BABAM2: variants seen among roughly 807,000 people sequenced by gnomAD.
BABAM2 encodes the protein BRISC and BRCA1 A complex member 2.
A neutral mutation model predicts 54.7 loss-of-function variants in BABAM2; 31 were observed. The ratio of observed to expected loss-of-function variants is 0.57; its 90% CI spans 0.43 to 0.77. The LOEUF is 0.77. Among genes scored for constraint, BABAM2 ranks in the 30% least tolerant of loss-of-function variants. BABAM2 has a pLI of 0.00. For synonymous variants in BABAM2, 167 were observed against 162.9 expected (o/e 1.03, Z -0.19); for missense variants, 364 against 455.8 (o/e 0.80, Z 1.83).
intron 4 of BABAM2, among the ~76,000 whole-genome samples, chr2:28,019,006 C>G (rs745508504): frequency 1.3e-5 from 2 of 152,122 alleles, no homozygotes; most frequent in African/African-American, 4.8e-5. Context: ...CCCTTACCCC[C>G]CAACCCTTGA....
At chr2:28,117,579 C>T (rs1298623730) in intron 6 of BABAM2, among the ~76,000 whole-genome samples, 2 of 152,192 alleles carry the variant, frequency 1.3e-5, no homozygotes, top group Non-Finnish European at 2.9e-5. Flanking sequence ...GCACTTCTCC[C>T]AGCAGGTTGG....
intron 7 of BABAM2, among the ~76,000 whole-genome samples, chr2:28,176,406 CTAAAAA>C (rs1359413181): frequency 6.6e-6 from 1 of 151,238 alleles, no homozygotes; most frequent in Non-Finnish European, 1.5e-5. Flanking sequence ...TTTATCTCTA[CTAAAAA>C]TACAAAAATT....
At chr2:28,178,368 G>A (rs1675243599) in intron 7 of BABAM2, among the ~76,000 whole-genome samples, 1 of 152,020 alleles carries the variant, frequency 6.6e-6, no homozygotes, top group Non-Finnish European at 1.5e-5. Context: ...CTGTACAAAT[G>A]CATGGAAATT....
chr2:28,109,194 T>TG (rs1667782365), intron 6 of BABAM2, among the ~76,000 whole-genome samples: 1 of 143,822 alleles, frequency 7.0e-6, no homozygotes. Context: ...CTTTTTTTTT[T>TG]TTTTTTTTTT....
At chr2:28,145,865 C>T (rs1671449794) in intron 7 of BABAM2, among the ~76,000 whole-genome samples, 1 of 152,128 alleles carries the variant, frequency 6.6e-6, no homozygotes, top group East Asian at 1.9e-4. Context: ...TTTTTTTTAG[C>T]ATAATGTTTT....
chr2:27,895,894 A>G (rs1665260219), intron 2 of BABAM2, among the ~76,000 whole-genome samples: 1 of 152,030 alleles, frequency 6.6e-6, no homozygotes, highest in Non-Finnish European at 1.5e-5. Flanking sequence ...ATTTTTAGGT[A>G]TGTATTTTCC....
At chr2:28,300,153 G>A (rs1687994507) in intron 11 of BABAM2, among the ~76,000 whole-genome samples, 1 of 152,106 alleles carries the variant, frequency 6.6e-6, no homozygotes. Context: ...TGGCCAGGCT[G>A]GTCTCGGACT....
chr2:27,890,315 A>G (rs747633256), upstream of BABAM2: 2 of 1,613,766 alleles, frequency 1.2e-6, no homozygotes, highest in Non-Finnish European at 1.7e-6. This position sits in a 1 kb window ranked among gnomAD's most constrained non-coding sequence, Gnocchi z 4.8. Context: ...TCCTCTTGCC[A>G]CTGCCTCTGG....
intron 5 of BABAM2, among the ~76,000 whole-genome samples, chr2:28,034,495 A>G (rs1295720487): frequency 6.6e-6 from 1 of 152,202 alleles, no homozygotes; most frequent in Non-Finnish European, 1.5e-5. Context: ...TGCCGCTTCA[A>G]TGATTGTTCC....
chr2:28,249,144 G>T (rs1380699323), intron 10 of BABAM2, among the ~76,000 whole-genome samples: 1 of 151,124 alleles, frequency 6.6e-6, no homozygotes, highest in Non-Finnish European at 1.5e-5. Flanking sequence ...CTGGAATGCG[G>T]TAGTGTGATC....
At chr2:28,173,174 G>T (rs569678162) in intron 7 of BABAM2, among the ~76,000 whole-genome samples, 1 of 152,140 alleles carries the variant, frequency 6.6e-6, no homozygotes, top group Non-Finnish European at 1.5e-5. Context: ...GAATTTTGGG[G>T]TGACACAAAC....
At chr2:28,030,684 T>C (rs1280016289) in intron 5 of BABAM2, among the ~76,000 whole-genome samples, 1 of 152,192 alleles carries the variant, frequency 6.6e-6, no homozygotes, top group East Asian at 1.9e-4. Context: ...GAGCTTGATT[T>C]TGAGCCAAGA....
chr2:28,123,192 C>T (rs371733133), intron 6 of BABAM2, among the ~76,000 whole-genome samples: 1 of 152,054 alleles, frequency 6.6e-6, no homozygotes, highest in South Asian at 2.1e-4. Flanking sequence ...AAAATGAACA[C>T]GAAAATCTCC....
chr2:28,013,379 G>A (rs1243707714), intron 4 of BABAM2: 6 of 455,714 alleles, frequency 1.3e-5, no homozygotes, highest in Non-Finnish European at 2.6e-5. Flanking sequence ...GCAACTGGGT[G>A]AGGCTGCCTA....
rs150026384 is a variant in BABAM2 at position 27,904,348 on chromosome 2, C to T, written c.128+9664C>T. Among the ~76,000 whole-genome samples, 701 of 152,208 alleles carry T rather than the reference C, an allele frequency of 4.6e-3. 5 individuals carry two copies. Among genetic ancestry groups the T allele is most frequent in the African/African-American group, 0.015 (638 of 41,528 alleles). ...TCTTAAATTTGCATACTTCTTGGCCCAGTAATTAAAATTTTGCTGATACAT... is the reference window on the plus strand; with the variant it reads ...TCTTAAATTTGCATACTTCTTGGCCTAGTAATTAAAATTTTGCTGATACAT... On this transcript the variant is annotated intron_variant, in intron 2 of 11. Transcript: ENST00000379624.
At chr2:27,916,154 T>G (rs1049375548) in intron 2 of BABAM2, among the ~76,000 whole-genome samples, 65 of 152,268 alleles carry the variant, frequency 4.3e-4, no homozygotes, top group Admixed American at 2.0e-3. Context: ...GCCTTCCCTA[T>G]ATGGATCAGG....
Position 28,026,895 on chromosome 2 carries a change from TAA to T in BABAM2, c.495+1477_495+1478del, listed in dbSNP as rs1675821617. 8.6e-4 allele frequency among the ~76,000 whole-genome samples: 25 copies of T among 29,194 alleles called. 1 individual carries two copies. The highest frequency in any genetic ancestry group is 1.2e-3 in the African/African-American group (11 of 9,050). 19.2% of individuals were successfully genotyped at this position (29,194 alleles called of 152,430 possible). On this transcript the variant is annotated intron_variant, in intron 5 of 11. Coordinates refer to ENST00000379624, the MANE Select transcript of BABAM2 (RefSeq NM_199191.3). The stretch of plus-strand genomic sequence containing the variant: ...ATATTTATATATATATAGATATATA[TAA>T]ATATATATAAATATATATTAATATA...
chr2:28,292,469 G>A (rs979904135), intron 10 of BABAM2, among the ~76,000 whole-genome samples: 9 of 152,144 alleles, frequency 5.9e-5, no homozygotes, highest in Admixed American at 4.6e-4. Flanking sequence ...AGAAAATAAC[G>A]TTTCCTTAGA....
chr2:28,165,383 C>T (rs998724435), intron 7 of BABAM2, among the ~76,000 whole-genome samples: 4 of 152,050 alleles, frequency 2.6e-5, no homozygotes, highest in African/African-American at 9.7e-5. Context: ...AATGCAAAAA[C>T]AGCAGATGCA....
Sources: allele counts gnomAD v4.1 joint callset (sites outside exome capture counted in the v4.1 genomes callset), GRCh38; gene constraint gnomAD v4.1.1; non-coding constraint Gnocchi (gnomAD v3.1); transcripts MANE v1.5; gene names NCBI Gene and HGNC (gene_info 2026-07-23, HGNC 2026-07-21).